Variants in CSMD1 observed in about 807,000 individuals in gnomAD.
CSMD1 encodes the protein CUB and Sushi multiple domains 1.
A neutral mutation model predicts 417.5 loss-of-function variants in CSMD1; 213 were observed. The observed-to-expected ratio is 0.51, with a 90% CI of 0.46 to 0.57. The LOEUF is 0.57. Ranked by LOEUF, CSMD1 falls within the 20% of genes least tolerant of loss-of-function variation. CSMD1 has a pLI of 0.00. For missense variants in CSMD1, 6,923 were observed against 4,529.7 expected (o/e 1.53, Z -15.17); for synonymous variants, 2,862 against 1,736.8 (o/e 1.65, Z -16.11).
intron 3 of CSMD1, among the ~76,000 whole-genome samples, chr8:4,139,808 T>G (rs1216857954): frequency 6.6e-6 from 1 of 151,092 alleles, no homozygotes; most frequent in East Asian, 1.9e-4. Context: ...ACAGGCTTAC[T>G]GGACATTCCA....
chr8:3,307,956 C>T (rs10089513), intron 24 of CSMD1, 135 bp from the exon 25 acceptor site: 2 of 986,046 alleles, frequency 2.0e-6, no homozygotes, highest in Non-Finnish European at 2.9e-6. Flanking sequence ...TCTCTCTCTC[C>T]TGACCGTTTC....
intron 3 of CSMD1, among the ~76,000 whole-genome samples, chr8:4,096,101 G>C (rs1412660254): frequency 6.6e-6 from 1 of 152,092 alleles, no homozygotes; most frequent in African/African-American, 2.4e-5. Context: ...CAAGACTGTT[G>C]TTGGATGGTT....
chr8:4,175,454 T>C (rs1797989038), intron 3 of CSMD1, among the ~76,000 whole-genome samples: 2 of 144,942 alleles, frequency 1.4e-5, no homozygotes, highest in Non-Finnish European at 3.1e-5. Flanking sequence ...CTTTATTTTA[T>C]GATAGCAAAA....
intron 23 of CSMD1, among the ~76,000 whole-genome samples, chr8:3,315,652 AAATAGC>A (rs1262304813): frequency 6.6e-6 from 1 of 152,146 alleles, no homozygotes; most frequent in Non-Finnish European, 1.5e-5. Flanking sequence ...CATTTTTAAA[AAATAGC>A]AATAGCAAAC....
Position 3,218,570 on chromosome 8 carries a change from A to G in CSMD1, c.4672+685T>C, listed in dbSNP as rs552452222. Among the ~76,000 whole-genome samples, 3 of 149,300 alleles carry G rather than the reference A, an allele frequency of 2.0e-5. No homozygotes were observed. The East Asian group carries it at 6.0e-4, about 30-fold the overall frequency. On this transcript the variant is annotated intron_variant, in intron 29 of 69. Transcript: ENST00000635120. The stretch of plus-strand genomic sequence containing the variant: ...AGCAAGACTCCATCTCAAAAATAAA[A>G]AAAAAAAGAAATTATTTTTGGCTGG...
chr8:3,378,023 A>T (rs1033386770), intron 18 of CSMD1, among the ~76,000 whole-genome samples: 1 of 152,150 alleles, frequency 6.6e-6, no homozygotes, highest in African/African-American at 2.4e-5. Context: ...GCTGAGTGTG[A>T]CCTGGTCTTG....
At chr8:4,834,856 C>A (rs1318553569) in intron 1 of CSMD1, among the ~76,000 whole-genome samples, 1 of 142,714 alleles carries the variant, frequency 7.0e-6, no homozygotes, top group African/African-American at 2.6e-5. Context: ...ACTTGGGAGG[C>A]TGAGGCAGGA....
intron 36 of CSMD1, among the ~76,000 whole-genome samples, chr8:3,185,055 C>T (rs1272441935): frequency 6.6e-6 from 1 of 152,178 alleles, no homozygotes; most frequent in Non-Finnish European, 1.5e-5. Flanking sequence ...CCGTGAGGTA[C>T]TCTAGGGAAC....
At chr8:4,156,933 A>T (rs1425903349) in intron 3 of CSMD1, among the ~76,000 whole-genome samples, 1 of 152,160 alleles carries the variant, frequency 6.6e-6, no homozygotes, top group East Asian at 1.9e-4. Flanking sequence ...GAGGGTTACG[A>T]AACTTTATCT....
intron 2 of CSMD1, among the ~76,000 whole-genome samples, chr8:4,503,632 G>A (rs960377911): frequency 6.6e-6 from 1 of 152,054 alleles, no homozygotes; most frequent in Non-Finnish European, 1.5e-5. Context: ...GATCATCACT[G>A]CAACCGAGGC....
intron 1 of CSMD1, among the ~76,000 whole-genome samples, chr8:4,743,487 G>A (rs1431605309): frequency 2.6e-5 from 4 of 152,154 alleles, no homozygotes; most frequent in Non-Finnish European, 5.9e-5. Flanking sequence ...AAACACCGGA[G>A]CGTCAAGTAC....
intron 2 of CSMD1, among the ~76,000 whole-genome samples, chr8:4,629,119 A>T (rs1802348472): frequency 6.6e-6 from 1 of 152,208 alleles, no homozygotes; most frequent in African/African-American, 2.4e-5. Context: ...ACATTATCAA[A>T]ATGAAACAAA....
intron 1 of CSMD1, among the ~76,000 whole-genome samples, chr8:4,913,702 A>T (rs933498617): frequency 6.6e-6 from 1 of 152,152 alleles, no homozygotes; most frequent in East Asian, 1.9e-4. Flanking sequence ...CCTGACTACA[A>T]TTAATCTTAG....
intron 1 of CSMD1, among the ~76,000 whole-genome samples, chr8:4,742,897 C>T (rs1445292310): frequency 6.6e-6 from 1 of 151,778 alleles, no homozygotes; most frequent in African/African-American, 2.4e-5. Flanking sequence ...TCTATCAGAA[C>T]GGTTAAAAAA....
At chr8:3,718,952 A>G (rs1238419677) in intron 6 of CSMD1, among the ~76,000 whole-genome samples, 1 of 152,138 alleles carries the variant, frequency 6.6e-6, no homozygotes, top group Non-Finnish European at 1.5e-5. Flanking sequence ...GGGAGAATAG[A>G]AGGAGCGAGA....
intron 3 of CSMD1, among the ~76,000 whole-genome samples, chr8:4,297,523 T>TG: frequency 6.6e-6 from 1 of 152,228 alleles, no homozygotes; most frequent in East Asian, 1.9e-4. Flanking sequence ...CTTCTATAGC[T>TG]GTTAAACCCC....
At chr8:4,851,670 C>T (rs1801490224) in intron 1 of CSMD1, among the ~76,000 whole-genome samples, 1 of 152,138 alleles carries the variant, frequency 6.6e-6, no homozygotes, top group Non-Finnish European at 1.5e-5. Context: ...TGCTCTCCCT[C>T]TCCTCACTAA....
At chr8:3,604,000 T>C (rs746394057) in intron 8 of CSMD1, among the ~76,000 whole-genome samples, 2 of 152,220 alleles carry the variant, frequency 1.3e-5, no homozygotes, top group Non-Finnish European at 2.9e-5. Flanking sequence ...ACTGAATCAA[T>C]ATTTATTGTT....
chr8:3,134,715 T>C (rs914191942), intron 41 of CSMD1, among the ~76,000 whole-genome samples: 8 of 152,188 alleles, frequency 5.3e-5, no homozygotes, highest in Non-Finnish European at 1.2e-4. Context: ...TGAAATACAA[T>C]AGCTTGGCTG....
Sources: allele counts gnomAD v4.1 joint callset (sites outside exome capture counted in the v4.1 genomes callset), GRCh38; gene constraint gnomAD v4.1.1; transcripts MANE v1.5; gene names NCBI Gene and HGNC (gene_info 2026-07-23, HGNC 2026-07-21).